RYR1: variants seen among roughly 807,000 people sequenced by gnomAD.
RYR1 encodes central core disease of muscle.
RYR1 carries 342 observed loss-of-function variants against 583.5 expected under a neutral mutation model. The observed-to-expected ratio is 0.59, with a 90% confidence interval of 0.54 to 0.64. The LOEUF is 0.64. RYR1 is among the 30% of genes least tolerant of loss of function. RYR1 has a pLI of 0.00. For synonymous variants in RYR1, 2,791 were observed against 2,822.5 expected, an observed-to-expected ratio of 0.99 and a Z score of 0.35; for missense variants, 6,032 against 6,917.2, an observed-to-expected ratio of 0.87 and a Z score of 4.54.
Position 38,443,803 on chromosome 19 carries a change from C to T in RYR1, c.424+7C>T. 6.2e-7 allele frequency: 1 copy of T among 1,614,006 alleles called. No individual in the cohort carries two copies. Among genetic ancestry groups the T allele is most frequent in the East Asian group, 2.2e-5 (1 of 44,884 alleles). ...CTGCAGGAGGACGCAACAGGTGCAG[C>T]AGCTGGAGGGGATGGGGGTGTGAAG... On this transcript the variant is annotated splice_region_variant and intron_variant, in intron 5 of 105. Coordinates refer to ENST00000359596, the MANE Select transcript of RYR1 (RefSeq NM_000540.3).
At chr19:38,465,880 A>T (rs992392426) in intron 23 of RYR1, among the ~76,000 whole-genome samples, 1 of 152,246 alleles carries the variant, frequency 6.6e-6, no homozygotes, top group Non-Finnish European at 1.5e-5. Context: ...GAGGTCATTG[A>T]TGTCAAAGCC....
At chr19:38,563,272 T>C (rs1044106122) in intron 90 of RYR1, among the ~76,000 whole-genome samples, 1 of 152,004 alleles carries the variant, frequency 6.6e-6, no homozygotes, top group African/African-American at 2.4e-5. Flanking sequence ...ACTACGGTGT[T>C]GTTGTTGTTT....
intron 89 of RYR1, among the ~76,000 whole-genome samples, chr19:38,559,195 T>C (rs1973010436): frequency 1.3e-5 from 2 of 150,892 alleles, no homozygotes; most frequent in Admixed American, 6.6e-5. Context: ...ATGGAGGTGA[T>C]AGTGTCCCAG....
rs1160207470 is a variant in RYR1, at chr19:38,565,498, C to T, written c.13164C>T (p.Ser4388=). The T allele has an allele frequency of 6.6e-7, 1 of 1,505,132 alleles. No homozygotes were observed. The highest frequency in any genetic ancestry group is 2.1e-5 in the Admixed American group (1 of 48,194). 93.2% of individuals were successfully genotyped at this position (1,505,132 alleles called of 1,614,324 possible). ...ELLAGMPDPT[S]DEVHGEQPAG... ...TGGCAGGCATGCCCGACCCCACCAG[C>T]GACGAGGTGCACGGCGAGCAGCCGG... is the stretch of plus-strand genomic sequence containing the variant. Residue 4388 remains serine (S), a synonymous_variant, in exon 91 of 106, where the codon AGC becomes AGT. Coordinates refer to ENST00000359596, the MANE Select transcript of RYR1 (RefSeq NM_000540.3). This position sits in a 1 kb window ranked among gnomAD's most constrained non-coding sequence, Gnocchi z 4.7.
At chr19:38,560,895 G>A (rs1973101977) in intron 89 of RYR1, among the ~76,000 whole-genome samples, 1 of 151,390 alleles carries the variant, frequency 6.6e-6, no homozygotes, top group African/African-American at 2.4e-5. Flanking sequence ...GTGTAGCGGT[G>A]TGTGCCTGTA....
rs370019431 is a variant in RYR1 at position 38,504,174 on chromosome 19, G to A, written c.7927-46G>A. 1.7e-4 allele frequency: 273 copies of A among 1,578,616 alleles called. No individual in the cohort carries two copies. The highest frequency in any genetic ancestry group is 2.1e-4 in the Non-Finnish European group (245 of 1,161,520). Reference sequence around the variant, plus strand: ...CTGGGCCTTCGTCTGCCTGCCATTCGCTGGTGCCCCCCTCATTTGTGTGTC... The same window carrying A: ...CTGGGCCTTCGTCTGCCTGCCATTCACTGGTGCCCCCCTCATTTGTGTGTC... On this transcript the variant is annotated intron_variant, in intron 49 of 105. Coordinates refer to ENST00000359596, the MANE Select transcript of RYR1 (RefSeq NM_000540.3).
rs1372408402 is a variant in RYR1 at position 38,496,535 on chromosome 19, G to A, written c.6790G>A (p.Gly2264Ser). The A allele has an allele frequency of 9.3e-6, 15 of 1,613,176 alleles. No individual in the cohort carries two copies. The highest frequency in any genetic ancestry group is 4.0e-5 in the African/African-American group (3 of 74,940). ...CTACCTGCTGGAGAACAGTGGCATCGGCCTGGGTGAGAACCCCCGAGCCCA... is the reference window on the plus strand; with the variant it reads ...CTACCTGCTGGAGAACAGTGGCATCAGCCTGGGTGAGAACCCCCGAGCCCA... ...LSYLLENSGIGLGMQGSTPLD... is the reference protein window; with the variant it reads ...LSYLLENSGISLGMQGSTPLD... The change falls in exon 41 of 106, where the codon GGC becomes AGC. Residue 2264 changes from glycine (G) to serine (S), a missense_variant. Coordinates refer to ENST00000359596, the MANE Select transcript of RYR1 (RefSeq NM_000540.3). The surrounding 1 kb of genome is among the most constrained non-coding windows in gnomAD (Gnocchi z 4.8).
At chr19:38,458,486 C>T (rs1162182671) in intron 18 of RYR1, among the ~76,000 whole-genome samples, 194 bp downstream of exon 18, 1 of 152,178 alleles carries the variant, frequency 6.6e-6, no homozygotes, top group African/African-American at 2.4e-5. Context: ...ATCCTCGTTA[C>T]CTACAGAACT....
At chr19:38,462,891 C>CTTTTTTTTT (rs553168266) in intron 20 of RYR1, among the ~76,000 whole-genome samples, 9 of 78,752 alleles carry the variant, frequency 1.1e-4, no homozygotes, top group African/African-American at 1.5e-4. Context: ...ACTCTCTCTT[C>CTTTTTTTTT]TTTTTTTTTT....
Position 38,507,766 on chromosome 19 carries a change from T to C in RYR1, c.8871T>C (p.Phe2957=). ...CTTCCATTGAAAAGCGGTTTGCCTT[T>C]GGCTTCCTGCAGCAGCTGCTGCGCT... ...DSSSIEKRFA[F]GFLQQLLRWM... Residue 2957 remains phenylalanine, a synonymous_variant, in exon 58 of 106, where the codon TTT becomes TTC. Transcript: ENST00000359596. The C allele has an allele frequency of 6.2e-7, 1 of 1,614,040 alleles. No homozygotes were observed. The highest frequency in any genetic ancestry group is 8.5e-7 in the Non-Finnish European group (1 of 1,179,910).
intron 67 of RYR1, among the ~76,000 whole-genome samples, 163 bp downstream of exon 67, chr19:38,519,617 G>T (rs1971133812): frequency 6.6e-6 from 1 of 152,080 alleles, no homozygotes; most frequent in Admixed American, 6.6e-5. Context: ...TGAGCACATT[G>T]GTCCAACGAC....
Position 38,543,211 on chromosome 19 carries a change from T to G in RYR1, c.11690-136T>G. On this transcript the variant is annotated intron_variant, in intron 84 of 105. Transcript: ENST00000359596. The surrounding 1 kb of genome is among the most constrained non-coding windows in gnomAD (Gnocchi z 4.4). ...TAGTAAGTACTTGATAGTTATTAAA[T>G]AAATTGATGATGATATGCTTTCTGG... The G allele has an allele frequency of 1.3e-6, 1 of 770,324 alleles. No individual in the cohort carries two copies. 47.7% of individuals were successfully genotyped at this position (770,324 alleles called of 1,614,324 possible). A position where few individuals can be genotyped will look rare whatever the true frequency, so the allele number is the denominator to read the frequency against.
At position 38,457,610 on chromosome 19, in the gene RYR1, C is replaced by A. The variant is rs1235915787; in HGVS notation, c.1905C>A (p.Asn635Lys). ...GCCGTGAGCTTCTGCTGCAGACAAA[C>A]CTCATCAACTATGTCACCAGGTCTG... ...LPGRELLLQT[N>K]LINYVTSIRP... Residue 635 changes from asparagine to lysine, a missense_variant, in exon 17 of 106, where the codon AAC becomes AAA. Coordinates refer to ENST00000359596, the MANE Select transcript of RYR1 (RefSeq NM_000540.3). The A allele has an allele frequency of 6.2e-7, 1 of 1,614,156 alleles. No individual in the cohort carries two copies. Among genetic ancestry groups the A allele is most frequent in the South Asian group, 1.1e-5 (1 of 91,082 alleles).
intron 97 of RYR1, among the ~76,000 whole-genome samples, chr19:38,576,344 G>A (rs2145883196): frequency 6.6e-6 from 1 of 152,266 alleles, no homozygotes; most frequent in East Asian, 1.9e-4. Context: ...CAGCTACTCA[G>A]GAGGCTGAGG....
At chr19:38,440,360 G>A (rs377411345) in intron 1 of RYR1, among the ~76,000 whole-genome samples, 7 of 152,116 alleles carry the variant, frequency 4.6e-5, no homozygotes, top group East Asian at 1.9e-4. Flanking sequence ...CCAACATGGC[G>A]AAACCTTGTC....
chr19:38,458,706 C>T (rs146746488), intron 18 of RYR1, among the ~76,000 whole-genome samples: 3,299 of 152,226 alleles, frequency 0.022, 131 homozygotes, highest in African/African-American at 0.074. Context: ...CTCACTGCAA[C>T]CTCTGCCTCT....
chr19:38,444,795 A>G lies in RYR1; in HGVS notation c.631+118A>G, dbSNP rs1972860974. The G allele has an allele frequency of 5.2e-6, 4 of 767,584 alleles. No homozygotes were observed. Among genetic ancestry groups the G allele is most frequent in the African/African-American group, 1.7e-5 (1 of 57,704 alleles). 47.5% of individuals were successfully genotyped at this position (767,584 alleles called of 1,614,324 possible). A position where few individuals can be genotyped will look rare whatever the true frequency, so the allele number is the denominator to read the frequency against. ...CTCAGACCTCAAACCTAGATCTCCA[A>G]ATTATGGCTCTCACACTTAGATCTC... On this transcript the variant is annotated intron_variant, in intron 7 of 105. Coordinates refer to ENST00000359596, the MANE Select transcript of RYR1 (RefSeq NM_000540.3). The surrounding 1 kb of genome is among the most constrained non-coding windows in gnomAD (Gnocchi z 5.1).
rs71165555 is a variant in RYR1, at chr19:38,520,693, C to CAAA, written c.10259+1263_10259+1265dup. Among the ~76,000 whole-genome samples, 369 of 46,834 alleles carry CAAA rather than the reference C, an allele frequency of 7.9e-3. 20 individuals are homozygous for CAAA. Among genetic ancestry groups the CAAA allele is most frequent in the African/African-American group, 0.017 (308 of 18,194 alleles). The allele number at this position is 46,834 out of a possible 152,430, so 30.7% of individuals were successfully genotyped here. A position where few individuals can be genotyped will look rare whatever the true frequency, so the allele number is the denominator to read the frequency against. ...CTAGGAACAGAGCGAGGCTCCACCT[C>CAAA]AAAAAAAAAAAAAAAAAAAAAAAAA... On this transcript the variant is annotated intron_variant, in intron 67 of 105. Coordinates refer to ENST00000359596, the MANE Select transcript of RYR1 (RefSeq NM_000540.3).
At chr19:38,586,228 G>T in intron 104 of RYR1, 37 bp downstream of exon 104, 1 of 1,583,282 alleles carries the variant, frequency 6.3e-7, no homozygotes. Flanking sequence ...AGGGTGGGGG[G>T]CATGGCTGCC....
Sources: gnomAD v4.1 joint callset for allele counts (sites outside exome capture counted in the v4.1 genomes callset) on GRCh38, gnomAD v4.1.1 for gene constraint, Gnocchi (gnomAD v3.1) non-coding constraint, MANE v1.5 for transcripts, NCBI Gene and HGNC (gene_info 2026-07-23, HGNC 2026-07-21) for gene names.